Variants in CDH2 observed in about 807,000 individuals in gnomAD.
CDH2 encodes the protein cadherin-2.
CDH2 carries 17 observed loss-of-function variants against 92.0 expected under a neutral mutation model. The ratio of observed to expected loss-of-function variants is 0.18; its 90% CI spans 0.13 to 0.28. The LOEUF (loss-of-function observed/expected upper bound fraction) is 0.28. CDH2 is among the 10% of genes least tolerant of loss of function. The probability of loss-of-function intolerance (pLI) is 1.00; values close to 1 mark genes in which losing one functional copy is unlikely to be tolerated. For missense variants in CDH2, 862 were observed against 1,133.1 expected (o/e 0.76, Z 3.44); for synonymous variants, 419 against 415.9 (o/e 1.01, Z -0.09).
chr18:28,116,821 A>T (rs755252201), intron 2 of CDH2, among the ~76,000 whole-genome samples: 5 of 152,180 alleles, frequency 3.3e-5, no homozygotes, highest in Non-Finnish European at 7.4e-5. Context: ...GCTACCTGAA[A>T]GAATTAACAC....
chr18:28,059,981 A>T (rs2014368674), intron 2 of CDH2, among the ~76,000 whole-genome samples: 1 of 151,830 alleles, frequency 6.6e-6, no homozygotes, highest in African/African-American at 2.4e-5. Flanking sequence ...ATGTAATATG[A>T]TCCTCTGCAC....
At chr18:28,065,426 CAT>C (rs1378469338) in intron 2 of CDH2, among the ~76,000 whole-genome samples, 2 of 152,128 alleles carry the variant, frequency 1.3e-5, no homozygotes, top group African/African-American at 4.8e-5. Context: ...TGGTTCACTA[CAT>C]GTTAACAAGA....
chr18:28,021,554 A>G (rs1228157474), intron 2 of CDH2, among the ~76,000 whole-genome samples: 1 of 152,008 alleles, frequency 6.6e-6, no homozygotes, highest in Non-Finnish European at 1.5e-5. Context: ...TAGCCCACAT[A>G]AAACTGTGTG....
At position 28,075,965 on chromosome 18, in the gene CDH2, A is replaced by G. The variant is rs138540724; in HGVS notation, c.173-62056T>C. 1.1e-4 allele frequency among the ~76,000 whole-genome samples: 16 copies of G among 152,314 alleles called. No homozygotes were observed. In the East Asian group the frequency reaches 1.5e-3, roughly 15 times the overall value. ...AAGTAAGAATTGAACACAGTGGTCA[A>G]TTCCAAATATCATTTCATCATACGA... On this transcript the variant is annotated intron_variant, in intron 2 of 15. Coordinates refer to ENST00000269141, the MANE Select transcript of CDH2 (RefSeq NM_001792.5).
At position 27,952,117 on chromosome 18, in the gene CDH2, T is replaced by C; in HGVS notation, c.*36A>G. ...TTTTTGGGAATATCAGTTGAAATTG[T>C]TTGTACTTGTCCAAAAACCAAGTTC... On this transcript the variant is annotated 3_prime_UTR_variant, in exon 16 of 16. Coordinates refer to ENST00000269141, the MANE Select transcript of CDH2 (RefSeq NM_001792.5). 1 of 1,538,726 alleles carries C rather than the reference T, an allele frequency of 6.5e-7. No individual in the cohort carries two copies. The highest frequency in any genetic ancestry group is 1.4e-5 in the African/African-American group (1 of 73,528).
rs541436200 is a variant in CDH2, at chr18:28,093,995, A to G, written c.172+53678T>C. ...ACGTCCCATAGCCCACACACCAATGAATCTAAATTATTCTTGGAGCACATT... is the reference window on the plus strand; with the variant it reads ...ACGTCCCATAGCCCACACACCAATGGATCTAAATTATTCTTGGAGCACATT... On this transcript the variant is annotated intron_variant, in intron 2 of 15. Transcript: ENST00000269141. Among the ~76,000 whole-genome samples the G allele has an allele frequency of 1.6e-3, 238 of 152,312 alleles. 1 individual carries two copies. The highest frequency in any genetic ancestry group is 5.6e-3 in the African/African-American group (234 of 41,556).
In CDH2 at chr18:27,952,262, C is replaced by T; in HGVS notation, c.2612G>A (p.Ser871Asn). 6.2e-7 allele frequency: 1 copy of T among 1,613,622 alleles called. No homozygotes were observed. The change falls in exon 16 of 16, where the codon AGC becomes AAC. Residue 871 changes from serine (S) to asparagine (N), a missense_variant. Ser to Asn is a conservative substitution (Grantham distance 46). Transcript: ENST00000269141. ...EGSGSTAGSL[S>N]SLNSSSSGGE... ...ACCACTACTTGAGGAATTAAGGGAGCTCAAGGACCCAGCAGTGGAGCCACT... is the reference window on the plus strand; with the variant it reads ...ACCACTACTTGAGGAATTAAGGGAGTTCAAGGACCCAGCAGTGGAGCCACT...
chr18:28,013,955 A>G (rs201452337), intron 2 of CDH2, 46 bp from the exon 3 acceptor site: 295 of 1,431,336 alleles, frequency 2.1e-4, no homozygotes, highest in Non-Finnish European at 2.7e-4. Flanking sequence ...TATACCAAAA[A>G]GGCAAAAAAA....
rs759578721 is a variant in CDH2 at position 27,990,151 on chromosome 18, A to C, written c.1544T>G (p.Met515Arg). ...GTCCTGAGCAGTGAATGTTGTCAACATGGTACCGGCATGAAGCCCTTCTTC... is the reference window on the plus strand; with the variant it reads ...GTCCTGAGCAGTGAATGTTGTCAACCTGGTACCGGCATGAAGCCCTTCTTC... ...RQEEGLHAGT[M>R]LTTFTAQDPD... The change falls in exon 10 of 16, where the codon ATG becomes AGG. Residue 515 changes from methionine (M) to arginine (R), a missense_variant. Met to Arg is a moderately conservative substitution (Grantham distance 91). Coordinates refer to ENST00000269141, the MANE Select transcript of CDH2 (RefSeq NM_001792.5). The C allele has an allele frequency of 1.9e-6, 3 of 1,613,958 alleles. No homozygotes were observed. The African/African-American group carries it at 4.0e-5, about 22-fold the overall frequency.
At chr18:28,033,542 G>A (rs2013751646) in intron 2 of CDH2, among the ~76,000 whole-genome samples, 1 of 151,942 alleles carries the variant, frequency 6.6e-6, no homozygotes, top group African/African-American at 2.4e-5. Context: ...GCAGGATTAA[G>A]TGTTAAAATT....
At chr18:28,128,389 A>T (rs1449885201) in intron 2 of CDH2, among the ~76,000 whole-genome samples, 3 of 152,142 alleles carry the variant, frequency 2.0e-5, no homozygotes, top group African/African-American at 7.2e-5. Context: ...TGATGTGGCT[A>T]CTGTTCAAAA....
chr18:28,024,942 A>G (rs1191845570), intron 2 of CDH2, among the ~76,000 whole-genome samples: 2 of 152,162 alleles, frequency 1.3e-5, no homozygotes, highest in Non-Finnish European at 2.9e-5. Context: ...TACAAAATTA[A>G]TAATTTTCTG....
intron 2 of CDH2, among the ~76,000 whole-genome samples, chr18:28,116,439 G>T (rs750347523): frequency 2.2e-4 from 33 of 152,088 alleles, no homozygotes; most frequent in Admixed American, 3.3e-4. Flanking sequence ...GTATTATTTT[G>T]AGTGTCCTTT....
At chr18:28,085,755 A>G (rs1461965492) in intron 2 of CDH2, among the ~76,000 whole-genome samples, 1 of 152,154 alleles carries the variant, frequency 6.6e-6, no homozygotes, top group African/African-American at 2.4e-5. Flanking sequence ...TCTCAACCCT[A>G]GAGTCACGGT....
chr18:28,011,723 T>C, intron 4 of CDH2, 123 bp downstream of exon 4: 2 of 892,550 alleles, frequency 2.2e-6, no homozygotes, highest in Non-Finnish European at 3.4e-6. Context: ...ATTCTATCTT[T>C]ATAGAAAAAC....
chr18:27,967,391 A>G (rs1175617282), intron 14 of CDH2, among the ~76,000 whole-genome samples: 4 of 152,232 alleles, frequency 2.6e-5, no homozygotes, highest in Non-Finnish European at 5.9e-5. Flanking sequence ...AATGATGTAC[A>G]TAAACACACA....
At chr18:28,092,324 A>G (rs758698911) in intron 2 of CDH2, among the ~76,000 whole-genome samples, 3 of 152,140 alleles carry the variant, frequency 2.0e-5, no homozygotes, top group African/African-American at 4.8e-5. Flanking sequence ...CAGTACTAAT[A>G]CAGGTCTCAC....
chr18:27,957,139 C>CATCCATCCATCT (rs545795466), intron 15 of CDH2, among the ~76,000 whole-genome samples: 117 of 152,120 alleles, frequency 7.7e-4, no homozygotes, highest in Non-Finnish European at 1.1e-3. Context: ...CCATCCCATC[C>CATCCATCCATCT]ATCCATCCAT....
chr18:27,982,597 A>G (rs2012090537), intron 14 of CDH2, among the ~76,000 whole-genome samples: 1 of 152,184 alleles, frequency 6.6e-6, no homozygotes, highest in South Asian at 2.1e-4. Context: ...TTTCTACCAT[A>G]CATATAATTA....
Sources: gnomAD v4.1 joint callset for allele counts (sites outside exome capture counted in the v4.1 genomes callset) on GRCh38, gnomAD v4.1.1 for gene constraint, MANE v1.5 for transcripts, NCBI Gene and HGNC (gene_info 2026-07-23, HGNC 2026-07-21) for gene names.